The following MLIP variants were observed in gnomAD, a reference collection of about 807,000 sequenced individuals.
The protein encoded by MLIP is muscular LMNA interacting protein, also known as muscular LMNA-interacting protein.
In MLIP, 79 loss-of-function variants were observed where a neutral mutation model predicts 84.8. The ratio of observed to expected loss-of-function variants is 0.93; its 90% CI spans 0.78 to 1.12. MLIP has a LOEUF of 1.12. Ranked by LOEUF, MLIP falls within the 50% of genes most tolerant of loss-of-function variation. The pLI, the probability that MLIP is intolerant of heterozygous loss-of-function variation, is 0.00. For synonymous variants in MLIP, 504 were observed against 463.0 expected (o/e 1.09, Z -1.14); for missense variants, 1,257 against 1,160.6 (o/e 1.08, Z -1.21).
intron 1 of MLIP, among the ~76,000 whole-genome samples, chr6:54,035,579 C>G (rs1005924854): frequency 6.6e-6 from 1 of 151,938 alleles, no homozygotes; most frequent in African/African-American, 2.4e-5. Flanking sequence ...TTTTACATTC[C>G]TATCAGCAAT....
chr6:54,182,560 G>A (rs1776989772), intron 9 of MLIP, among the ~76,000 whole-genome samples: 1 of 152,138 alleles, frequency 6.6e-6, no homozygotes, highest in South Asian at 2.1e-4. Flanking sequence ...CCTGCGGGAG[G>A]TACGAACACT....
chr6:54,161,204 G>A (rs1280968332), intron 8 of MLIP, among the ~76,000 whole-genome samples: 3 of 151,876 alleles, frequency 2.0e-5, no homozygotes, highest in Non-Finnish European at 2.9e-5. Flanking sequence ...CTTAAAAATA[G>A]AGAAGTAAAA....
intron 13 of MLIP, among the ~76,000 whole-genome samples, chr6:54,265,536 C>G (rs2150911374): frequency 6.6e-6 from 1 of 152,182 alleles, no homozygotes; most frequent in African/African-American, 2.4e-5. Context: ...TTCAGTTTAC[C>G]TCCTTGTTAG....
At chr6:54,046,916 A>G (rs573786178) in intron 1 of MLIP, 7 of 152,330 alleles carry the variant, frequency 4.6e-5, no homozygotes, top group African/African-American at 1.7e-4. Context: ...GAGGTGCTTT[A>G]TATTAGGTTG....
chr6:54,226,371 G>T (rs1274158237), intron 11 of MLIP, among the ~76,000 whole-genome samples: 1 of 152,158 alleles, frequency 6.6e-6, no homozygotes, highest in Non-Finnish European at 1.5e-5. Context: ...CCAGGCCTTT[G>T]CCTTCTAGCC....
At chr6:54,148,189 G>A (rs1773060041) in intron 4 of MLIP, among the ~76,000 whole-genome samples, 1 of 152,058 alleles carries the variant, frequency 6.6e-6, no homozygotes, top group African/African-American at 2.4e-5. Flanking sequence ...TGGCCACTGG[G>A]GAAGCTGCCT....
At chr6:54,102,941 G>A (rs1332432739) in intron 1 of MLIP, among the ~76,000 whole-genome samples, 1 of 152,132 alleles carries the variant, frequency 6.6e-6, no homozygotes, top group African/African-American at 2.4e-5. Flanking sequence ...AACCCATGGA[G>A]CCAGGGAAGC....
In MLIP at chr6:54,195,678, C is replaced by T. The variant is rs1778242872; in HGVS notation, c.2589+5764C>T. 2.0e-5 allele frequency among the ~76,000 whole-genome samples: 3 copies of T among 152,078 alleles called. No homozygotes were observed. In the South Asian group the frequency reaches 6.2e-4, roughly 32 times the overall value. The stretch of plus-strand genomic sequence containing the variant: ...ATTATAAACACAAATCAATAGCAGG[C>T]TTAGACGAGTGTCTTATAGCCCATT... On this transcript the variant is annotated intron_variant, in intron 10 of 13. Coordinates refer to ENST00000502396, the MANE Select transcript of MLIP (RefSeq NM_001281747.2).
intron 12 of MLIP, among the ~76,000 whole-genome samples, chr6:54,254,379 C>A (rs1483841548): frequency 6.6e-6 from 1 of 151,982 alleles, no homozygotes; most frequent in Non-Finnish European, 1.5e-5. Context: ...CCCGCCTAGG[C>A]CTCCCAAAGT....
intron 1 of MLIP, among the ~76,000 whole-genome samples, chr6:54,101,064 C>A (rs1402651355): frequency 6.6e-6 from 1 of 152,032 alleles, no homozygotes; most frequent in African/African-American, 2.4e-5. Flanking sequence ...GGATATGGAG[C>A]AAATATTTAG....
At chr6:54,156,973 G>T (rs143847300) in intron 5 of MLIP, among the ~76,000 whole-genome samples, 83 of 152,250 alleles carry the variant, frequency 5.5e-4, no homozygotes, top group African/African-American at 1.9e-3. Context: ...TTATAAAGGA[G>T]TTTGATTTGG....
intron 11 of MLIP, among the ~76,000 whole-genome samples, chr6:54,229,706 C>CT (rs1562084222): frequency 6.6e-6 from 1 of 152,124 alleles, no homozygotes; most frequent in Admixed American, 6.5e-5. Context: ...GATCTTGTTC[C>CT]TTTTTATGGC....
intron 10 of MLIP, among the ~76,000 whole-genome samples, chr6:54,193,352 T>A (rs757183124): frequency 6.6e-6 from 1 of 152,178 alleles, no homozygotes. Context: ...TGTGGAGTTG[T>A]CAGTATACTC....
In MLIP at chr6:54,064,104, G is replaced by T. The variant is rs147486679; in HGVS notation, c.63+45013G>T. Among the ~76,000 whole-genome samples the T allele has an allele frequency of 2.3e-3, 229 of 99,848 alleles. 25 individuals carry two copies. The highest frequency in any genetic ancestry group is 5.5e-3 in the African/African-American group (217 of 39,142). The allele number at this position is 99,848 out of a possible 152,430, so 65.5% of individuals were successfully genotyped here. ...AATTCAGATGTATGGGAATAATTTTGACTTAAAATTAAGAGACTGAGAAAT... is the reference window on the plus strand; with the variant it reads ...AATTCAGATGTATGGGAATAATTTTTACTTAAAATTAAGAGACTGAGAAAT... On this transcript the variant is annotated intron_variant, in intron 1 of 12. Transcript: ENST00000274897.
intron 3 of MLIP, among the ~76,000 whole-genome samples, chr6:54,133,982 G>A (rs1269078112): frequency 6.6e-6 from 1 of 151,938 alleles, no homozygotes; most frequent in Non-Finnish European, 1.5e-5. Flanking sequence ...ATAAAGATGA[G>A]GTAAGAAATA....
At chr6:54,162,276 G>C (rs1774720837) in intron 8 of MLIP, among the ~76,000 whole-genome samples, 1 of 151,992 alleles carries the variant, frequency 6.6e-6, no homozygotes, top group Admixed American at 6.6e-5. Context: ...CTTTCAGGTA[G>C]AGAAACAGGC....
rs937760049 is a variant in MLIP, at chr6:54,217,699, G to A, written c.2719-13015G>A. ...TCTATGTATACTGAAATTGAAAGAGGACAATTCTCAAGTGACTAAAAAGCG... is the reference window on the plus strand; with the variant it reads ...TCTATGTATACTGAAATTGAAAGAGAACAATTCTCAAGTGACTAAAAAGCG... On this transcript the variant is annotated intron_variant, in intron 11 of 13. Transcript: ENST00000502396. 16 of 984,756 alleles carry A rather than the reference G, an allele frequency of 1.6e-5. No individual in the cohort carries two copies. In the African/African-American group the frequency reaches 2.6e-4, roughly 16 times the overall value. The allele number at this position is 984,756 out of a possible 1,614,324, so 61.0% of individuals were successfully genotyped here.
intron 12 of MLIP, among the ~76,000 whole-genome samples, chr6:54,235,911 TC>T (rs1271856843): frequency 1.3e-5 from 2 of 152,170 alleles, no homozygotes; most frequent in Non-Finnish European, 2.9e-5. Flanking sequence ...CATGGTTACA[TC>T]CTTTTTTCTT....
At chr6:54,026,904 C>T (rs73744114) in intron 1 of MLIP, among the ~76,000 whole-genome samples, 4,032 of 152,140 alleles carry the variant, frequency 0.027, 175 homozygotes, top group African/African-American at 0.093. Flanking sequence ...CCTTTGGCTT[C>T]TTTATCTACA....
Sources: allele counts gnomAD v4.1 joint callset (sites outside exome capture counted in the v4.1 genomes callset), GRCh38; gene constraint gnomAD v4.1.1; transcripts MANE v1.5; gene names NCBI Gene and HGNC (gene_info 2026-07-23, HGNC 2026-07-21).